Variants in LAMB2 observed in about 807,000 individuals in gnomAD.
LAMB2 encodes the protein laminin subunit beta 2, also known as laminin subunit beta-2.
A neutral mutation model predicts 202.7 loss-of-function variants in LAMB2; 119 were observed. The observed-to-expected ratio is 0.59, with a 90% CI of 0.51 to 0.68. LAMB2 has a LOEUF of 0.68. LAMB2 is among the 30% of genes least tolerant of loss of function. The pLI is 0.00. For synonymous variants in LAMB2, 818 were observed against 902.2 expected, an observed-to-expected ratio of 0.91 and a Z score of 1.67; for missense variants, 2,124 against 2,410.6, an observed-to-expected ratio of 0.88 and a Z score of 2.49.
chr3:49,129,093 T>C lies in LAMB2; in HGVS notation c.1658A>G (p.Glu553Gly), dbSNP rs2045454025. 6.2e-7 allele frequency: 1 copy of C among 1,613,820 alleles called. No homozygotes were observed. Among genetic ancestry groups the C allele is most frequent in the Non-Finnish European group, 8.5e-7 (1 of 1,180,034 alleles). ...CRQHMVGRRCEQVQPGYFRPF... is the reference protein window; with the variant it reads ...CRQHMVGRRCGQVQPGYFRPF... ...CCGGAAGTAGCCAGGTTGCACCTGC[T>C]CACAGCGTCGCCCAACCATGTGCTG... is the stretch of plus-strand genomic sequence containing the variant. The change falls in exon 13 of 32, where the codon GAG (glutamate) becomes GGG (glycine). Residue 553 changes from glutamate to glycine, a missense_variant. Physicochemically the swap from Glu to Gly is moderately conservative, Grantham distance 98. Around this residue, in one of 3 missense-constraint regions of LAMB2, gnomAD observed 1,702 missense variants for 1,896.3 expected, o/e 0.90. Coordinates refer to ENST00000305544, the MANE Select transcript of LAMB2 (RefSeq NM_002292.4). This position sits in a 1 kb window ranked among gnomAD's most constrained non-coding sequence, Gnocchi z 6.1.
Position 49,131,217 on chromosome 3 carries a change from G to A in LAMB2, c.713-65C>T. ...CTTGCTGCCCCATGTCCACCCAGGG[G>A]CTCAGCTGCCAAGGTCACCTTGAAA... On this transcript the variant is annotated intron_variant, in intron 6 of 31. Transcript: ENST00000305544. The surrounding 1 kb of genome is among the most constrained non-coding windows in gnomAD (Gnocchi z 5.0). The A allele has an allele frequency of 6.5e-7, 1 of 1,542,670 alleles. No homozygotes were observed. Among genetic ancestry groups the A allele is most frequent in the Non-Finnish European group, 8.9e-7 (1 of 1,120,444 alleles).
In LAMB2 at chr3:49,131,642, C is replaced by T; in HGVS notation, c.541G>A (p.Asp181Asn). The change falls in exon 5 of 32, where the codon GAC (aspartate) becomes AAC (asparagine). Residue 181 changes from aspartate (D) to asparagine (N), a missense_variant. Physicochemically the swap from Asp to Asn is conservative, Grantham distance 23. Coordinates refer to ENST00000305544, the MANE Select transcript of LAMB2 (RefSeq NM_002292.4). This position sits in a 1 kb window ranked among gnomAD's most constrained non-coding sequence, Gnocchi z 5.0. ...TWHVYRYFSYDCGADFPGVPL... is the reference protein window; with the variant it reads ...TWHVYRYFSYNCGADFPGVPL... ...ACTCCTGGGAAGTCAGCCCCACAGT[C>T]ATAGGAGAAATATCGGTACACATGC... is the stretch of plus-strand genomic sequence containing the variant. 12 of 1,613,722 alleles carry T rather than the reference C, an allele frequency of 7.4e-6. No individual in the cohort carries two copies. Among genetic ancestry groups the T allele is most frequent in the Non-Finnish European group, 9.3e-6 (11 of 1,180,024 alleles).
intron 15 of LAMB2, among the ~76,000 whole-genome samples, 175 bp from the exon 16 acceptor site, chr3:49,126,672 G>A (rs2045419511): frequency 6.6e-6 from 1 of 152,156 alleles, no homozygotes; most frequent in African/African-American, 2.4e-5. Flanking sequence ...CAAAGAATCT[G>A]CACAGAATAG....
At position 49,130,713 on chromosome 3, in the gene LAMB2, AG is replaced by A; in HGVS notation, c.1036+26del. 6.2e-7 allele frequency: 1 copy of A among 1,613,082 alleles called. No homozygotes were observed. Among genetic ancestry groups the A allele is most frequent in the Non-Finnish European group, 8.5e-7 (1 of 1,179,950 alleles). ...GCACAGCCAGGCTGCAGAGTGCTGG[AG>A]CTATGGAGGCCAAGATCTCACTCAC... On this transcript the variant is annotated intron_variant, in intron 8 of 31. Transcript: ENST00000305544. The surrounding 1 kb of genome is among the most constrained non-coding windows in gnomAD (Gnocchi z 5.0).
At position 49,129,449 on chromosome 3, in the gene LAMB2, C is replaced by T; in HGVS notation, c.1519-125G>A. 1 of 1,101,200 alleles carries T rather than the reference C, an allele frequency of 9.1e-7. No individual in the cohort carries two copies. Among genetic ancestry groups the T allele is most frequent in the Non-Finnish European group, 1.4e-6 (1 of 736,508 alleles). 68.2% of individuals were successfully genotyped at this position (1,101,200 alleles called of 1,614,324 possible). A position where few individuals can be genotyped will look rare whatever the true frequency, so the allele number is the denominator to read the frequency against. ...CAGTGAAAACATGCCCCCCAGACCA[C>T]TGGCCCACATCCTTGGCCTCCCAGA... On this transcript the variant is annotated intron_variant, in intron 11 of 31. Transcript: ENST00000305544. This position sits in a 1 kb window ranked among gnomAD's most constrained non-coding sequence, Gnocchi z 6.1.
rs1459363870 is a variant in LAMB2, at chr3:49,132,919, C to A, written c.-52G>T. On this transcript the variant is annotated 5_prime_UTR_variant, in exon 1 of 32. Coordinates refer to ENST00000305544, the MANE Select transcript of LAMB2 (RefSeq NM_002292.4). The surrounding 1 kb of genome is among the most constrained non-coding windows in gnomAD (Gnocchi z 4.6). ...GAGGTGAACGGTCTCGGGCCCGAGCCCTCCTCCTTGCTTTGGGGTTCCGTG... is the reference window on the plus strand; with the variant it reads ...GAGGTGAACGGTCTCGGGCCCGAGCACTCCTCCTTGCTTTGGGGTTCCGTG... The A allele has an allele frequency of 6.5e-7, 1 of 1,544,732 alleles. No homozygotes were observed. Among genetic ancestry groups the A allele is most frequent in the East Asian group, 2.2e-5 (1 of 44,538 alleles).
In LAMB2 at chr3:49,124,666, C is replaced by T. The variant is rs1286667650; in HGVS notation, c.3109+35G>A. On this transcript the variant is annotated intron_variant, in intron 21 of 31. Coordinates refer to ENST00000305544, the MANE Select transcript of LAMB2 (RefSeq NM_002292.4). ...CAAGAGGAGGCCAAGAAGCAGAACCCCAATTCAGCCATGCCCTCCCACACT... is the reference window on the plus strand; with the variant it reads ...CAAGAGGAGGCCAAGAAGCAGAACCTCAATTCAGCCATGCCCTCCCACACT... 16 of 1,613,592 alleles carry T rather than the reference C, an allele frequency of 9.9e-6. No individual in the cohort carries two copies. The African/African-American group carries it at 1.3e-4, about 13-fold the overall frequency.
rs775495036 is a variant in LAMB2, at chr3:49,132,463, C to A, written c.249+28G>T. Reference sequence around the variant, plus strand: ...AGGCAGTGCCAGCCCCACCCTGACTCGGCGTCACACCCTGTCCCCAGCCAC... The same window carrying A: ...AGGCAGTGCCAGCCCCACCCTGACTAGGCGTCACACCCTGTCCCCAGCCAC... On this transcript the variant is annotated intron_variant, in intron 2 of 31. Coordinates refer to ENST00000305544, the MANE Select transcript of LAMB2 (RefSeq NM_002292.4). The surrounding 1 kb of genome is among the most constrained non-coding windows in gnomAD (Gnocchi z 4.6). The A allele has an allele frequency of 2.5e-6, 4 of 1,614,092 alleles. No homozygotes were observed. The highest frequency in any genetic ancestry group is 3.4e-6 in the Non-Finnish European group (4 of 1,179,992).
rs914161776 is a variant in LAMB2 at position 49,129,734 on chromosome 3, C to T, written c.1406-18G>A. ...TTGACATCCTGCAGGGAAGGAGAACCATCAGCACTTTGGGAAACTGTGGCA... is the reference window on the plus strand; with the variant it reads ...TTGACATCCTGCAGGGAAGGAGAACTATCAGCACTTTGGGAAACTGTGGCA... On this transcript the variant is annotated intron_variant, in intron 10 of 31. Transcript: ENST00000305544. The surrounding 1 kb of genome is among the most constrained non-coding windows in gnomAD (Gnocchi z 6.1). 1 of 1,612,050 alleles carries T rather than the reference C, an allele frequency of 6.2e-7. No homozygotes were observed. The highest frequency in any genetic ancestry group is 8.5e-7 in the Non-Finnish European group (1 of 1,178,208).
rs773976572 is a variant in LAMB2, at chr3:49,132,097, C to T, written c.459+19G>A. The T allele has an allele frequency of 1.2e-6, 2 of 1,612,488 alleles. No homozygotes were observed. Among genetic ancestry groups the T allele is most frequent in the Non-Finnish European group, 1.7e-6 (2 of 1,178,602 alleles). On this transcript the variant is annotated intron_variant, in intron 4 of 31. Coordinates refer to ENST00000305544, the MANE Select transcript of LAMB2 (RefSeq NM_002292.4). The surrounding 1 kb of genome is among the most constrained non-coding windows in gnomAD (Gnocchi z 4.6). ...AGCCAAGCAGGGTGATTCGGGCAGG[C>T]TCCCAGATATGCAGGCACCTTGAAG...
chr3:49,132,171 A>G lies in LAMB2; in HGVS notation c.404T>C (p.Ile135Thr). ...QSENGIPAVTIQLDLEAEFHF... is the reference protein window; with the variant it reads ...QSENGIPAVTTQLDLEAEFHF... The stretch of plus-strand genomic sequence containing the variant: ...AAACTCAGCCTCCAGGTCCAGCTGG[A>G]TGGTGACCGCAGGGATACCTGGGAC... The change falls in exon 4 of 32, where the codon ATC (isoleucine) becomes ACC (threonine). Residue 135 changes from isoleucine to threonine, a missense_variant. Physicochemically the swap from Ile to Thr is moderately conservative, Grantham distance 89. Coordinates refer to ENST00000305544, the MANE Select transcript of LAMB2 (RefSeq NM_002292.4). This position sits in a 1 kb window ranked among gnomAD's most constrained non-coding sequence, Gnocchi z 4.6. 6.2e-7 allele frequency: 1 copy of G among 1,614,172 alleles called. No individual in the cohort carries two copies. The highest frequency in any genetic ancestry group is 8.5e-7 in the Non-Finnish European group (1 of 1,180,026).
At chr3:49,128,018 C>CAAAAAAAAAAA (rs1156873652) in intron 15 of LAMB2, among the ~76,000 whole-genome samples, 16 of 32,740 alleles carry the variant, frequency 4.9e-4, no homozygotes, top group South Asian at 1.1e-3. Flanking sequence ...GACTCCGTCT[C>CAAAAAAAAAAA]AAAAAAAAAA....
chr3:49,126,146 G>A lies in LAMB2; in HGVS notation c.2165C>T (p.Pro722Leu), dbSNP rs764955129. 3 of 1,612,642 alleles carry A rather than the reference G, an allele frequency of 1.9e-6. No homozygotes were observed. In the South Asian group the frequency reaches 3.3e-5, roughly 18 times the overall value. ...GLLIDSLVLL[P>L]RVLVLEMFSG... is the part of the protein sequence containing the mutation. ...AAACATCTCTAGCACCAGGACACGG[G>A]GCAGCAGCACCAGCTGAAGGAGTGA... The change falls in exon 17 of 32, where the codon CCC (proline) becomes CTC (leucine). Residue 722 changes from proline to leucine, a missense_variant. This residue lies in a region of LAMB2 where 1,702 missense variants were observed against 1,896.3 expected (regional missense o/e 0.90). Transcript: ENST00000305544.
rs1016702824 is a variant in LAMB2, at chr3:49,129,674, G to A, written c.1448C>T (p.Pro483Leu). The change falls in exon 11 of 32, where the codon CCT becomes CTT. Residue 483 changes from proline to leucine, a missense_variant. Physicochemically the swap from Pro to Leu is moderately conservative, Grantham distance 98. Transcript: ENST00000305544. This position sits in a 1 kb window ranked among gnomAD's most constrained non-coding sequence, Gnocchi z 6.1. ...ACAGGATCCACTGTTGGGGTCACAA[G>A]GAGTGCTCCCAGGCACTGTGCCCCG... ...NARGTVPGST[P>L]CDPNSGSCYC... 2 of 1,614,114 alleles carry A rather than the reference G, an allele frequency of 1.2e-6. No individual in the cohort carries two copies. The highest frequency in any genetic ancestry group is 1.7e-6 in the Non-Finnish European group (2 of 1,179,988).
chr3:49,124,702 G>A lies in LAMB2; in HGVS notation c.3108C>T (p.His1036=). Residue 1036 remains histidine, a splice_region_variant and synonymous_variant, in exon 21 of 32, where the codon CAC becomes CAT. Transcript: ENST00000305544. ...ATGCCCTCCCACACTCATACTCACG[G>A]TGACAGCTCTGTCGGGCAGCCTGCC... ...FHGQAARQSC[H]RCTCNLLGTN... 1 of 1,614,162 alleles carries A rather than the reference G, an allele frequency of 6.2e-7. No individual in the cohort carries two copies. Among genetic ancestry groups the A allele is most frequent in the South Asian group, 1.1e-5 (1 of 91,090 alleles).
At position 49,124,046 on chromosome 3, in the gene LAMB2, C is replaced by T. The variant is rs559556131; in HGVS notation, c.3479G>A (p.Gly1160Asp). ...CACCCCTGGGCGGCAGCTGCAGTGA[C>T]CTGTGAAGCGGTGACACTGAGGTGT... ...IDTPQCHRFT[G>D]HCSCRPGVSG... Residue 1160 changes from glycine (G) to aspartate (D), a missense_variant, in exon 24 of 32, where the codon GGT becomes GAT. Around this residue, in one of 3 missense-constraint regions of LAMB2, gnomAD observed 1,702 missense variants for 1,896.3 expected, o/e 0.90. Coordinates refer to ENST00000305544, the MANE Select transcript of LAMB2 (RefSeq NM_002292.4). 6.2e-6 allele frequency: 10 copies of T among 1,613,668 alleles called. No homozygotes were observed. The South Asian group carries it at 1.1e-4, about 18-fold the overall frequency.
intron 15 of LAMB2, among the ~76,000 whole-genome samples, chr3:49,127,750 G>A (rs530600312): frequency 1.3e-5 from 2 of 151,252 alleles, no homozygotes; most frequent in Non-Finnish European, 2.9e-5. Flanking sequence ...GCTGGGCACG[G>A]TGGCTCACAC....
chr3:49,123,671 C>T, intron 24 of LAMB2, 40 bp from the exon 25 acceptor site: 1 of 1,613,838 alleles, frequency 6.2e-7, no homozygotes, highest in Non-Finnish European at 8.5e-7. Flanking sequence ...GAGGCTTCAG[C>T]CCTGGTCCAC....
intron 19 of LAMB2, 32 bp from the exon 20 acceptor site, chr3:49,125,201 C>T: frequency 1.2e-6 from 2 of 1,613,588 alleles, no homozygotes; most frequent in Non-Finnish European, 1.7e-6. Flanking sequence ...AATGTGTCAT[C>T]CCTGGGAAGC....
Sources: gnomAD v4.1 joint callset for allele counts (sites outside exome capture counted in the v4.1 genomes callset) on GRCh38, gnomAD v4.1.1 for gene constraint, gnomAD v4.1.1 regional missense constraint, Gnocchi (gnomAD v3.1) non-coding constraint, MANE v1.5 for transcripts, NCBI Gene and HGNC (gene_info 2026-07-23, HGNC 2026-07-21) for gene names.